PUDP: variants seen among roughly 807,000 people sequenced by gnomAD.
PUDP encodes pseudouridine-5'-phosphatase.
In PUDP, 8 loss-of-function variants were observed where a neutral mutation model predicts 9.4. The ratio of observed to expected loss-of-function variants is 0.85; its 90% CI spans 0.50 to 1.53. PUDP has a LOEUF of 1.53. PUDP is among the 40% of genes most tolerant of loss of function. The probability of loss-of-function intolerance (pLI) is 0.00; values close to 1 mark genes in which losing one functional copy is unlikely to be tolerated. For synonymous variants in PUDP, 99 were observed against 80.7 expected, an observed-to-expected ratio of 1.23 and a Z score of -1.22; for missense variants, 188 against 189.7, an observed-to-expected ratio of 0.99 and a Z score of 0.05.
intron 3 of PUDP, among the ~76,000 whole-genome samples, chrX:6,730,510 G>A (rs958583810): frequency 1.8e-5 from 2 of 111,683 alleles, no homozygotes; most frequent in Non-Finnish European, 3.8e-5. Flanking sequence ...AGTTGGTTTT[G>A]TGTGCTTCTG....
At chrX:6,903,857 T>C (rs1160885465) in intron 3 of PUDP, among the ~76,000 whole-genome samples, 2 of 109,843 alleles carry the variant, frequency 1.8e-5, no homozygotes, top group African/African-American at 6.6e-5. Flanking sequence ...ACTACCTGAG[T>C]AACAAGGTCA....
At chrX:6,764,007 G>A (rs1451198096) in intron 3 of PUDP, among the ~76,000 whole-genome samples, 4 of 111,911 alleles carry the variant, frequency 3.6e-5, no homozygotes, top group African/African-American at 1.3e-4. Flanking sequence ...AGCATTGGGA[G>A]CTAGAAAATA....
chrX:6,746,368 G>T (rs1471442590), intron 3 of PUDP, among the ~76,000 whole-genome samples: 1 of 111,971 alleles, frequency 8.9e-6, no homozygotes, highest in African/African-American at 3.2e-5. Flanking sequence ...CAGAGACTGG[G>T]CACTATATTT....
At chrX:6,721,931 T>C (rs749574042), upstream of PUDP, among the ~76,000 whole-genome samples, 2 of 111,231 alleles carry the variant, frequency 1.8e-5, no homozygotes, top group South Asian at 3.8e-4. Context: ...ATTAGAAAGA[T>C]TGGTGGAACA....
chrX:6,895,520 T>C (rs1418240892), intron 3 of PUDP, among the ~76,000 whole-genome samples: 1 of 109,330 alleles, frequency 9.1e-6, no homozygotes, highest in Non-Finnish European at 1.9e-5. Flanking sequence ...AGCCTGACAA[T>C]TTAAAATTCA....
At chrX:6,824,588 C>G (rs62590407) in intron 3 of PUDP, among the ~76,000 whole-genome samples, 1 of 111,392 alleles carries the variant, frequency 9.0e-6, no homozygotes, top group Non-Finnish European at 1.9e-5. Flanking sequence ...GGTTGACCAA[C>G]GTAACCTGTT....
At chrX:6,960,969 T>A (rs1928699014) in intron 3 of PUDP, among the ~76,000 whole-genome samples, 1 of 112,100 alleles carries the variant, frequency 8.9e-6, no homozygotes, top group Non-Finnish European at 1.9e-5. Context: ...AGCTTTTTTT[T>A]ACAAAAACAA....
intron 1 of PUDP, among the ~76,000 whole-genome samples, chrX:7,116,742 A>T (rs1438636575): frequency 9.0e-6 from 1 of 111,676 alleles, no homozygotes; most frequent in East Asian, 2.8e-4. Flanking sequence ...TTCCCTCCCA[A>T]ATCTCATGCT....
At chrX:6,788,474 G>A (rs897853464) in intron 3 of PUDP, among the ~76,000 whole-genome samples, 5 of 111,867 alleles carry the variant, frequency 4.5e-5, no homozygotes, top group Non-Finnish European at 9.4e-5. Flanking sequence ...AGGCCGAGGT[G>A]GGCAGATCCC....
Position 7,057,710 on chromosome X carries a change from G to A in PUDP, c.511-7238C>T, listed in dbSNP as rs769768432. The A allele has an allele frequency of 8.7e-6, 10 of 1,152,917 alleles. No individual in the cohort carries two copies. In the South Asian group the frequency reaches 1.9e-4, roughly 22 times the overall value. ...TGGCTGTGAGCTGGAGGTGCGGTCA[G>A]GTGTCATCAGAGCAGAGAAGCAGTT... On this transcript the variant is annotated intron_variant, in intron 3 of 3. Coordinates refer to ENST00000381077, the MANE Select transcript of PUDP (RefSeq NM_012080.5).
intron 3 of PUDP, among the ~76,000 whole-genome samples, chrX:6,848,660 T>C (rs983358861): frequency 8.9e-6 from 1 of 111,971 alleles, no homozygotes; most frequent in Non-Finnish European, 1.9e-5. Context: ...GAGAGGTGAT[T>C]GAATCATGGG....
rs184454776 is a variant in PUDP, at chrX:7,092,699, C to T, written c.280+12921G>A. 1.9e-3 allele frequency among the ~76,000 whole-genome samples: 209 copies of T among 111,666 alleles called. 1 individual carries two copies. The highest frequency in any genetic ancestry group is 6.7e-3 in the African/African-American group (206 of 30,656). Reference sequence around the variant, plus strand: ...GCAGAAACCACCTCAAGAGAGTAGGCGTGGTGCGAGGTACTCCTGACCTCA... The same window carrying T: ...GCAGAAACCACCTCAAGAGAGTAGGTGTGGTGCGAGGTACTCCTGACCTCA... On this transcript the variant is annotated intron_variant, in intron 2 of 3. Coordinates refer to ENST00000381077, the MANE Select transcript of PUDP (RefSeq NM_012080.5).
intron 3 of PUDP, among the ~76,000 whole-genome samples, chrX:6,842,883 G>T (rs186740847): frequency 1.4e-4 from 16 of 112,078 alleles, no homozygotes; most frequent in African/African-American, 5.2e-4. Context: ...TGTCATTTTT[G>T]CCAACTTATC....
chrX:6,986,558 A>G lies in PUDP; in HGVS notation c.205-8215T>C, dbSNP rs1235832978. 2.7e-5 allele frequency among the ~76,000 whole-genome samples: 3 copies of G among 112,129 alleles called. No homozygotes were observed. The East Asian group carries it at 8.4e-4, about 31-fold the overall frequency. ...CACCCCTGTATTTTAATAGAAATGT[A>G]ATAAATTGTACCCCGAAGAGGAGAC... is the stretch of plus-strand genomic sequence containing the variant. On this transcript the variant is annotated intron_variant and NMD_transcript_variant, in intron 1 of 3. Transcript: ENST00000655425.
intron 3 of PUDP, among the ~76,000 whole-genome samples, chrX:6,742,976 T>C (rs2146665979): frequency 8.9e-6 from 1 of 111,967 alleles, no homozygotes; most frequent in African/African-American, 3.3e-5. Flanking sequence ...AAAAGCCCCC[T>C]TTTAAAATGC....
At chrX:7,027,398 T>C (rs1929726463) in intron 1 of PUDP, among the ~76,000 whole-genome samples, 1 of 110,265 alleles carries the variant, frequency 9.1e-6, no homozygotes, top group South Asian at 3.9e-4. Flanking sequence ...TTCTCTGATT[T>C]TTCTGAGCTT....
intron 3 of PUDP, among the ~76,000 whole-genome samples, chrX:6,821,659 T>G (rs1451346759): frequency 5.4e-5 from 6 of 111,757 alleles, no homozygotes; most frequent in Admixed American, 1.9e-4. Flanking sequence ...GGCTTCCCTT[T>G]TAATAAAAAG....
intron 3 of PUDP, among the ~76,000 whole-genome samples, chrX:6,758,812 A>C (rs755615885): frequency 9.0e-6 from 1 of 111,463 alleles, no homozygotes; most frequent in South Asian, 3.8e-4. Flanking sequence ...CTGCCTCATC[A>C]ACGTGCGGAA....
chrX:7,062,321 T>C lies in PUDP; in HGVS notation c.511-11849A>G, dbSNP rs6639762. On this transcript the variant is annotated intron_variant, in intron 3 of 3. Transcript: ENST00000381077. ...GCCCTGTTTGAGGCACACAGTCCTC[T>C]GGAGCAGGGACAGCAGTCCATTCAC... Among the ~76,000 whole-genome samples, 546 of 111,754 alleles carry C rather than the reference T, an allele frequency of 4.9e-3. 1 individual carries two copies. The highest frequency in any genetic ancestry group is 0.017 in the African/African-American group (515 of 30,743).
Sources: allele counts gnomAD v4.1 joint callset (sites outside exome capture counted in the v4.1 genomes callset), GRCh38; gene constraint gnomAD v4.1.1; transcripts MANE v1.5; gene names NCBI Gene and HGNC (gene_info 2026-07-23, HGNC 2026-07-21).